SYCP2L: variants seen among roughly 807,000 people sequenced by gnomAD.
SYCP2L encodes the protein synaptonemal complex protein 2 like, also known as synaptonemal complex protein 2-like.
SYCP2L carries 98 observed loss-of-function variants against 125.8 expected under a neutral mutation model. The ratio of observed to expected loss-of-function variants is 0.78; its 90% CI spans 0.66 to 0.92. The LOEUF is 0.92. Among genes scored for constraint, SYCP2L ranks in the 40% least tolerant of loss-of-function variants. The probability of loss-of-function intolerance (pLI) is 0.00; values close to 1 mark genes in which losing one functional copy is unlikely to be tolerated. For missense variants in SYCP2L, 842 were observed against 936.4 expected, an observed-to-expected ratio of 0.90 and a Z score of 1.32; for synonymous variants, 317 against 325.4, an observed-to-expected ratio of 0.97 and a Z score of 0.28.
At chr6:10,926,759 C>T (rs1581829566) in intron 16 of SYCP2L, among the ~76,000 whole-genome samples, 1 of 151,160 alleles carries the variant, frequency 6.6e-6, no homozygotes, top group East Asian at 2.0e-4. Flanking sequence ...GCTGTTTTCC[C>T]AAGTGCCCAT....
chr6:10,903,404 C>T (rs375537012), intron 8 of SYCP2L, among the ~76,000 whole-genome samples: 312 of 152,194 alleles, frequency 2.1e-3, no homozygotes, highest in African/African-American at 5.6e-3. Context: ...AAAAATTAGC[C>T]GGCTGTGGTG....
intron 26 of SYCP2L, among the ~76,000 whole-genome samples, chr6:10,959,884 A>AAG (rs56820311): frequency 8.7e-4 from 120 of 138,236 alleles, no homozygotes; most frequent in African/African-American, 2.9e-3. Context: ...AAAAAAAAAA[A>AAG]GAAAGAAAGA....
intron 17 of SYCP2L, among the ~76,000 whole-genome samples, chr6:10,927,650 C>A (rs1461165950): frequency 6.6e-6 from 1 of 152,116 alleles, no homozygotes; most frequent in African/African-American, 2.4e-5. Context: ...GACCACAGGA[C>A]CGGGGCGAAA....
chr6:10,950,835 A>G lies in SYCP2L; in HGVS notation c.1955-4281A>G, dbSNP rs1400347448. Among the ~76,000 whole-genome samples, 3 of 152,078 alleles carry G rather than the reference A, an allele frequency of 2.0e-5. No homozygotes were observed. The East Asian group carries it at 5.8e-4, about 29-fold the overall frequency. On this transcript the variant is annotated intron_variant, in intron 23 of 29. Transcript: ENST00000283141. ...GCCACCACACCCAACGGATTTTTGT[A>G]ATTTTCGTAGAGACAGGGATTTGAC...
chr6:10,945,231 T>C (rs1013406926), intron 23 of SYCP2L, among the ~76,000 whole-genome samples: 1 of 152,190 alleles, frequency 6.6e-6, no homozygotes, highest in African/African-American at 2.4e-5. Flanking sequence ...AAAATATTAA[T>C]TTGTGGTTAA....
chr6:10,903,518 A>G (rs1780426177), intron 8 of SYCP2L, among the ~76,000 whole-genome samples: 1 of 152,172 alleles, frequency 6.6e-6, no homozygotes, highest in Non-Finnish European at 1.5e-5. Flanking sequence ...ACTGTGCTCC[A>G]GCCTGAGGGT....
At chr6:10,972,472 G>A (rs990426001) in intron 29 of SYCP2L, among the ~76,000 whole-genome samples, 5 of 152,178 alleles carry the variant, frequency 3.3e-5, no homozygotes, top group East Asian at 1.9e-4. Flanking sequence ...GAGCAGCAGC[G>A]TAGTCCAGGG....
Position 10,942,671 on chromosome 6 carries a change from T to C in SYCP2L, c.1885-6T>C. On this transcript the variant is annotated splice_region_variant and splice_polypyrimidine_tract_variant and intron_variant, in intron 22 of 29. Transcript: ENST00000283141. ...GACGTAATTTGTGGTCTGTTTTGTT[T>C]TTAAGATTGTGAACCAAGAATCACT... 6.2e-7 allele frequency: 1 copy of C among 1,613,560 alleles called. No individual in the cohort carries two copies. Among genetic ancestry groups the C allele is most frequent in the Non-Finnish European group, 8.5e-7 (1 of 1,179,816 alleles).
chr6:10,907,655 A>G lies in SYCP2L; in HGVS notation c.790A>G (p.Lys264Glu), dbSNP rs760102102. ...FDDEVIAEAF[K>E]EIKDREFETD... is the part of the protein sequence containing the mutation. ...TGATGAAGTCATTGCTGAAGCTTTC[A>G]AAGAAATTAAGGATCGAGAATTTGA... The change falls in exon 10 of 30, where the codon AAA becomes GAA. Residue 264 changes from lysine to glutamate, a missense_variant. By Grantham distance (56) the Lys-to-Glu change is moderately conservative (BLOSUM62 1). Coordinates refer to ENST00000283141, the MANE Select transcript of SYCP2L (RefSeq NM_001040274.3). The G allele has an allele frequency of 6.2e-7, 1 of 1,612,620 alleles. No homozygotes were observed. Among genetic ancestry groups the G allele is most frequent in the Non-Finnish European group, 8.5e-7 (1 of 1,179,632 alleles).
chr6:10,942,546 G>A lies in SYCP2L; in HGVS notation c.1884+17G>A, dbSNP rs1457587503. 1 of 1,596,598 alleles carries A rather than the reference G, an allele frequency of 6.3e-7. No homozygotes were observed. The highest frequency in any genetic ancestry group is 8.5e-7 in the Non-Finnish European group (1 of 1,171,278). ...AAACCTAAGGTACTATTTAATTGTT[G>A]GTTATTCATCTGATTTTCCAGAATT... is the stretch of plus-strand genomic sequence containing the variant. On this transcript the variant is annotated intron_variant, in intron 22 of 29. Transcript: ENST00000283141.
At chr6:10,908,786 A>G (rs544229060) in intron 10 of SYCP2L, among the ~76,000 whole-genome samples, 6 of 152,222 alleles carry the variant, frequency 3.9e-5, no homozygotes, top group African/African-American at 7.2e-5. Context: ...TGGAAAGACC[A>G]TGAGCTTTGG....
intron 8 of SYCP2L, among the ~76,000 whole-genome samples, chr6:10,904,169 A>G (rs1198399461): frequency 6.6e-6 from 1 of 152,256 alleles, no homozygotes; most frequent in Non-Finnish European, 1.5e-5. Flanking sequence ...CTAATGGGGC[A>G]TGGAATTTTG....
At chr6:10,947,342 G>T (rs1167802748) in intron 23 of SYCP2L, among the ~76,000 whole-genome samples, 1 of 151,930 alleles carries the variant, frequency 6.6e-6, no homozygotes, top group Non-Finnish European at 1.5e-5. Context: ...AATTTTGATA[G>T]AAATTGCATT....
chr6:10,956,121 G>T lies in SYCP2L; in HGVS notation c.2057-15G>T. On this transcript the variant is annotated splice_polypyrimidine_tract_variant and intron_variant, in intron 24 of 29. Coordinates refer to ENST00000283141, the MANE Select transcript of SYCP2L (RefSeq NM_001040274.3). ...CTTTGTTAGTTTTATTCCATGTTTT[G>T]TTTTTGTTTTCCAGAAGGAATTTCC... is the stretch of plus-strand genomic sequence containing the variant. 1.9e-6 allele frequency: 3 copies of T among 1,596,322 alleles called. No homozygotes were observed. Among genetic ancestry groups the T allele is most frequent in the Non-Finnish European group, 2.6e-6 (3 of 1,164,986 alleles).
At chr6:10,956,055 C>G (rs1163156197) in intron 24 of SYCP2L, 81 bp from the exon 25 acceptor site, 6 of 1,164,398 alleles carry the variant, frequency 5.2e-6, no homozygotes, top group Non-Finnish European at 7.5e-6. Flanking sequence ...AATAACTCAT[C>G]CTCTGGGCAA....
intron 1 of SYCP2L, 67 bp from the exon 2 acceptor site, chr6:10,891,442 TTGTG>T: frequency 1.1e-6 from 1 of 920,540 alleles, no homozygotes; most frequent in South Asian, 1.8e-5. Flanking sequence ...TTTTTTTGCT[TTGTG>T]TTTAAAACTT....
At chr6:10,909,116 A>ATTTTTTTTTTTTTTTTTTTTTTTTTTTTT (rs67767345) in intron 10 of SYCP2L, among the ~76,000 whole-genome samples, 1 of 94,878 alleles carries the variant, frequency 1.1e-5, no homozygotes, top group African/African-American at 4.8e-5. Flanking sequence ...TCTCAATTGA[A>ATTTTTTTTTTTTTTTTTTTTTTTTTTTTT]TTTTTTTTTT....
intron 8 of SYCP2L, among the ~76,000 whole-genome samples, chr6:10,905,255 A>G (rs1389773262): frequency 6.6e-6 from 1 of 151,886 alleles, no homozygotes; most frequent in Non-Finnish European, 1.5e-5. Context: ...CAATAATGTA[A>G]TAACTTAATT....
chr6:10,898,341 C>T (rs530807042), intron 5 of SYCP2L, among the ~76,000 whole-genome samples: 96 of 152,148 alleles, frequency 6.3e-4, no homozygotes, highest in African/African-American at 2.2e-3. Flanking sequence ...ATGGTGAAAC[C>T]CATCTCTACT....
Sources: gnomAD v4.1 joint callset for allele counts (sites outside exome capture counted in the v4.1 genomes callset) on GRCh38, gnomAD v4.1.1 for gene constraint, MANE v1.5 for transcripts, NCBI Gene and HGNC (gene_info 2026-07-23, HGNC 2026-07-21) for gene names.